The following GLIS3 variants were observed in gnomAD, a reference collection of about 807,000 sequenced individuals.
GLIS3 encodes GLIS family zinc finger 3, also known as zinc finger protein GLIS3.
In GLIS3, 53 loss-of-function variants were observed where a neutral mutation model predicts 78.6. The observed-to-expected ratio is 0.67, with a 90% CI of 0.54 to 0.85. The LOEUF (loss-of-function observed/expected upper bound fraction) is 0.85. GLIS3 is among the 40% of genes least tolerant of loss of function. GLIS3 has a pLI of 0.00. For synonymous variants in GLIS3, 684 were observed against 509.9 expected (o/e 1.34, Z -4.60); for missense variants, 1,703 against 1,231.1 (o/e 1.38, Z -5.74).
intron 2 of GLIS3, among the ~76,000 whole-genome samples, chr9:4,262,009 T>C (rs940616136): frequency 2.6e-5 from 4 of 152,138 alleles, no homozygotes; most frequent in Non-Finnish European, 5.9e-5. Flanking sequence ...AAGGTGGTTG[T>C]CTAGTGCTTA....
At chr9:4,214,295 G>A (rs1820629608) in intron 2 of GLIS3, among the ~76,000 whole-genome samples, 1 of 152,196 alleles carries the variant, frequency 6.6e-6, no homozygotes, top group African/African-American at 2.4e-5. Context: ...CTGTTTCAAA[G>A]CTATCAATGT....
Position 4,118,062 on chromosome 9 carries a change from C to A in GLIS3, c.1416G>T (p.Glu472Asp), listed in dbSNP as rs772552747. The change falls in exon 4 of 11, where the codon GAG (glutamate) becomes GAT (aspartate). Residue 472 changes from glutamate (E) to aspartate (D), a missense_variant. Coordinates refer to ENST00000381971, the MANE Select transcript of GLIS3 (RefSeq NM_001042413.2). The surrounding 1 kb of genome is among the most constrained non-coding windows in gnomAD (Gnocchi z 4.7). ...CCAGCTGCTGGGCGTGGGGCCCGAGCTCCGGGTGGTGAAGGTGCGCATGGG... is the reference window on the plus strand; with the variant it reads ...CCAGCTGCTGGGCGTGGGGCCCGAGATCCGGGTGGTGAAGGTGCGCATGGG... ...YHAHAHLHHP[E>D]LGPHAQQLAL... is the part of the protein sequence containing the mutation. The A allele has an allele frequency of 6.6e-5, 105 of 1,579,760 alleles. No homozygotes were observed. The East Asian group carries it at 1.4e-3, about 21-fold the overall frequency.
chr9:4,458,857 T>C, the GLIS3 span, among the ~76,000 whole-genome samples: 4 of 152,052 alleles, frequency 2.6e-5, no homozygotes, highest in East Asian at 3.9e-4. Flanking sequence ...AAACAGCAAA[T>C]ACAAAGACTC....
the GLIS3 span, among the ~76,000 whole-genome samples, chr9:4,398,914 C>T: frequency 6.6e-6 from 1 of 152,280 alleles, no homozygotes; most frequent in South Asian, 2.1e-4. Flanking sequence ...GTCTTGAACT[C>T]CTAACCTTGT....
chr9:4,174,079 G>A (rs761107611), intron 2 of GLIS3, among the ~76,000 whole-genome samples: 1 of 152,120 alleles, frequency 6.6e-6, no homozygotes, highest in Non-Finnish European at 1.5e-5. Context: ...GTCTAGTTAA[G>A]TAGGTCAGAC....
chr9:4,399,151 G>T, the GLIS3 span, among the ~76,000 whole-genome samples: 2 of 152,180 alleles, frequency 1.3e-5, no homozygotes, highest in Non-Finnish European at 2.9e-5. Flanking sequence ...ATAGCTAGAA[G>T]GAGGATATTG....
chr9:3,918,027 G>A (rs55749638), intron 6 of GLIS3, among the ~76,000 whole-genome samples: 1 of 152,198 alleles, frequency 6.6e-6, no homozygotes, highest in African/African-American at 2.4e-5. Context: ...CAAATCATGA[G>A]ATAACTGATG....
the GLIS3 span, among the ~76,000 whole-genome samples, chr9:4,482,957 G>A: frequency 1.4e-4 from 22 of 152,196 alleles, no homozygotes; most frequent in African/African-American, 4.1e-4. Context: ...TTTATTGGAA[G>A]GAAAAAAACA....
At chr9:4,444,658 GCTTTCACTCC>G in the GLIS3 span, among the ~76,000 whole-genome samples, 1 of 152,212 alleles carries the variant, frequency 6.6e-6, no homozygotes, top group East Asian at 1.9e-4. Context: ...TAGAAGTCTG[GCTTTCACTCC>G]CTTTAGATGA....
At chr9:4,140,625 A>T (rs2130984417) in intron 2 of GLIS3, among the ~76,000 whole-genome samples, 1 of 152,232 alleles carries the variant, frequency 6.6e-6, no homozygotes, top group South Asian at 2.1e-4. Context: ...ACTATCTCAT[A>T]GGCCAGATAC....
chr9:4,309,900 C>T (rs574440229), intron 3 of GLIS3, among the ~76,000 whole-genome samples: 5 of 152,178 alleles, frequency 3.3e-5, no homozygotes, highest in South Asian at 2.1e-4. Context: ...ACAAATTTGG[C>T]GGCCAAAAGA....
intron 4 of GLIS3, among the ~76,000 whole-genome samples, chr9:4,105,385 C>T (rs959240769): frequency 6.6e-6 from 1 of 152,198 alleles, no homozygotes. Flanking sequence ...TGTCAAGACA[C>T]TTGGCAGCAT....
At chr9:4,430,028 T>TAAAC in the GLIS3 span, among the ~76,000 whole-genome samples, 46,771 of 150,552 alleles carry the variant, frequency 0.31, 9,134 homozygotes, top group African/African-American at 0.56. Context: ...CTCTTTCTAT[T>TAAAC]AAACAAACAA....
intron 4 of GLIS3, among the ~76,000 whole-genome samples, chr9:4,082,516 G>A (rs1224050253): frequency 6.6e-6 from 1 of 152,180 alleles, no homozygotes; most frequent in Non-Finnish European, 1.5e-5. Context: ...CCTATCTTAT[G>A]AGACTATTAA....
At chr9:4,300,855 C>G (rs1414447818), upstream of GLIS3, among the ~76,000 whole-genome samples, 1 of 151,972 alleles carries the variant, frequency 6.6e-6, no homozygotes, top group Non-Finnish European at 1.5e-5. Context: ...GTATGTAATG[C>G]ACACAATATC....
At chr9:4,169,720 T>A (rs895219730) in intron 2 of GLIS3, among the ~76,000 whole-genome samples, 3 of 152,084 alleles carry the variant, frequency 2.0e-5, no homozygotes, top group Non-Finnish European at 4.4e-5. Context: ...TATAACCTAC[T>A]CAAATCGTTC....
intron 8 of GLIS3, among the ~76,000 whole-genome samples, chr9:3,864,147 A>G (rs1404979533): frequency 1.3e-5 from 2 of 151,736 alleles, no homozygotes; most frequent in African/African-American, 4.8e-5. Flanking sequence ...TTCTACTATG[A>G]AAAAAAAATC....
chr9:4,285,854 G>A, intron 2 of GLIS3, 184 bp downstream of exon 2: 1 of 690,080 alleles, frequency 1.4e-6, no homozygotes, highest in East Asian at 2.7e-5. Flanking sequence ...ATTTACCACT[G>A]TGGTCCCCTC....
chr9:4,099,307 G>A (rs941777446), intron 4 of GLIS3, among the ~76,000 whole-genome samples: 3 of 152,190 alleles, frequency 2.0e-5, no homozygotes, highest in African/African-American at 7.2e-5. Flanking sequence ...TGAGGGCTCT[G>A]AAGGAGAATC....
Sources: gnomAD v4.1 joint callset for allele counts (sites outside exome capture counted in the v4.1 genomes callset) on GRCh38, gnomAD v4.1.1 for gene constraint, Gnocchi (gnomAD v3.1) non-coding constraint, MANE v1.5 for transcripts, NCBI Gene and HGNC (gene_info 2026-07-23, HGNC 2026-07-21) for gene names.